Variants in ZNF439 observed in about 807,000 individuals in gnomAD.
The protein encoded by ZNF439 is zinc finger protein 439.
Under a neutral mutation model 47.3 loss-of-function variants are expected in ZNF439, and 40 were observed. That is an observed-to-expected ratio of 0.85 (90% CI 0.66 to 1.10). The LOEUF is 1.10. Ranked by LOEUF, ZNF439 falls within the 50% of genes least tolerant of loss-of-function variation. The pLI, the probability that ZNF439 is intolerant of heterozygous loss-of-function variation, is 0.00. For synonymous variants in ZNF439, 171 were observed against 198.8 expected (o/e 0.86, Z 1.18); for missense variants, 556 against 601.1 (o/e 0.93, Z 0.78).
rs548403756 is a variant in ZNF439 at position 11,861,557 on chromosome 19, C to T, written c.64-4648C>T. On this transcript the variant is annotated intron_variant, in intron 1 of 3. Transcript: ENST00000682736. The stretch of plus-strand genomic sequence containing the variant: ...TGAGTTCTCAGCTTCTCCCTCCCAA[C>T]TCCAGTTTCCATTAATTGGAGACAC... Among the ~76,000 whole-genome samples, 31 of 152,328 alleles carry T rather than the reference C, an allele frequency of 2.0e-4. No individual in the cohort carries two copies. In the South Asian group the frequency reaches 6.0e-3, roughly 30 times the overall value.
chr19:11,860,286 A>G (rs1169897622), intron 1 of ZNF439, among the ~76,000 whole-genome samples: 1 of 151,594 alleles, frequency 6.6e-6, no homozygotes, highest in Non-Finnish European at 1.5e-5. Context: ...CTAAAAATAC[A>G]AAAAAAAATT....
chr19:11,857,809 T>G (rs985263169), intron 1 of ZNF439: 7 of 152,228 alleles, frequency 4.6e-5, no homozygotes, highest in African/African-American at 1.7e-4. Context: ...GAACACTTCT[T>G]TCAGTAACAA....
At chr19:11,851,857 A>G (rs1976253150) in intron 1 of ZNF439, among the ~76,000 whole-genome samples, 1 of 152,068 alleles carries the variant, frequency 6.6e-6, no homozygotes, top group Non-Finnish European at 1.5e-5. Context: ...TACATTGCCC[A>G]GGCTTGTCTC....
In ZNF439 at chr19:11,869,428, C is replaced by T. The variant is rs1976809226; in HGVS notation, c.*859C>T. 6.6e-6 allele frequency: 1 copy of T among 152,610 alleles called. No individual in the cohort carries two copies. Among genetic ancestry groups the T allele is most frequent in the Non-Finnish European group, 1.5e-5 (1 of 68,160 alleles). The allele number at this position is 152,610 out of a possible 1,614,324, so 9.5% of individuals were successfully genotyped here. On this transcript the variant is annotated 3_prime_UTR_variant, in exon 4 of 4. Transcript: ENST00000682736. ...TAACTGTATACTAACAAATGTTATTCTTTTTAAATAATTAAGAAGCTATAA... is the reference window on the plus strand; with the variant it reads ...TAACTGTATACTAACAAATGTTATTTTTTTTAAATAATTAAGAAGCTATAA...
chr19:11,869,191 T>C lies in ZNF439; in HGVS notation c.*622T>C, dbSNP rs1886874994. The C allele has an allele frequency of 4.6e-6, 1 of 217,168 alleles. No homozygotes were observed. The highest frequency in any genetic ancestry group is 1.0e-5 in the Non-Finnish European group (1 of 100,076). 13.5% of individuals were successfully genotyped at this position (217,168 alleles called of 1,614,324 possible). A position where few individuals can be genotyped will look rare whatever the true frequency, so the allele number is the denominator to read the frequency against. On this transcript the variant is annotated 3_prime_UTR_variant, in exon 4 of 4. Transcript: ENST00000682736. Reference sequence around the variant, plus strand: ...CAAAAGCTTTCACTTCTTCCAGTTCTTTTCAATATCATGAAAGGACTCACA... The same window carrying C: ...CAAAAGCTTTCACTTCTTCCAGTTCCTTTCAATATCATGAAAGGACTCACA...
intron 1 of ZNF439, chr19:11,857,742 G>A (rs1461097547): frequency 6.6e-6 from 1 of 152,192 alleles, no homozygotes; most frequent in South Asian, 2.1e-4. Context: ...CCTAACAACT[G>A]TTGAAAATCA....
chr19:11,851,641 T>G (rs1976244442), intron 1 of ZNF439, among the ~76,000 whole-genome samples: 1 of 150,840 alleles, frequency 6.6e-6, no homozygotes, highest in Admixed American at 6.6e-5. Flanking sequence ...AGAAGGCTGA[T>G]GTATGAGGTA....
intron 1 of ZNF439, among the ~76,000 whole-genome samples, chr19:11,862,733 T>C (rs1976571492): frequency 6.6e-6 from 1 of 151,748 alleles, no homozygotes; most frequent in African/African-American, 2.4e-5. Context: ...TACCTCATTG[T>C]TGTTTTCTGT....
At chr19:11,861,807 A>G (rs928906222) in intron 1 of ZNF439, among the ~76,000 whole-genome samples, 2 of 152,156 alleles carry the variant, frequency 1.3e-5, no homozygotes, top group Non-Finnish European at 1.5e-5. Flanking sequence ...CCTTTCCTCT[A>G]TGTGAAATGT....
intron 1 of ZNF439, among the ~76,000 whole-genome samples, chr19:11,865,712 CA>C (rs71166640): frequency 1.1e-3 from 91 of 81,992 alleles, no homozygotes; most frequent in African/African-American, 5.0e-3. Flanking sequence ...TACACTATCA[CA>C]AAAAAAAAAA....
intron 1 of ZNF439, among the ~76,000 whole-genome samples, chr19:11,864,939 C>T (rs1288545117): frequency 2.0e-5 from 3 of 152,030 alleles, no homozygotes; most frequent in Non-Finnish European, 4.4e-5. Context: ...CGCCACCATG[C>T]CCGGCTAATT....
rs1294067040 is a variant in ZNF439 at position 11,867,991 on chromosome 19, A to C, written c.937A>C (p.Met313Leu). 5.0e-6 allele frequency: 8 copies of C among 1,614,170 alleles called. No homozygotes were observed. The South Asian group carries it at 8.8e-5, about 18-fold the overall frequency. ...ATGTAAGGAATGTGGAAAAGCATTC[A>C]TGTGTCCCCGTTATGTTCGTAGACA... ...YQCKECGKAF[M>L]CPRYVRRHER... The change falls in exon 4 of 4, where the codon ATG (methionine) becomes CTG (leucine). Residue 313 changes from methionine (M) to leucine (L), a missense_variant. Coordinates refer to ENST00000682736, the MANE Select transcript of ZNF439 (RefSeq NM_001348719.2).
intron 1 of ZNF439, among the ~76,000 whole-genome samples, chr19:11,853,652 C>T (rs954381430): frequency 6.6e-6 from 1 of 152,144 alleles, no homozygotes; most frequent in Non-Finnish European, 1.5e-5. Flanking sequence ...CACTGTTTAT[C>T]ATATAGCCTT....
rs143876470 is a variant in ZNF439 at position 11,865,200 on chromosome 19, C to G, written c.64-1005C>G. On this transcript the variant is annotated intron_variant, in intron 1 of 3. Coordinates refer to ENST00000682736, the MANE Select transcript of ZNF439 (RefSeq NM_001348719.2). ...GCTGCATTGCTCATTACTGCCACCC[C>G]AGGAAGGTCGTATAGTGGTTAAATC... is the stretch of plus-strand genomic sequence containing the variant. 2.1e-3 allele frequency among the ~76,000 whole-genome samples: 324 copies of G among 152,274 alleles called. 3 individuals are homozygous for G. Among genetic ancestry groups the G allele is most frequent in the African/African-American group, 7.2e-3 (300 of 41,552 alleles).
chr19:11,855,733 G>T (rs776659464), intron 1 of ZNF439, among the ~76,000 whole-genome samples: 1 of 152,150 alleles, frequency 6.6e-6, no homozygotes, highest in Non-Finnish European at 1.5e-5. Flanking sequence ...TACTGCACAG[G>T]ACATTATGGC....
chr19:11,849,186 C>G (rs961010111), intron 1 of ZNF439: 1 of 1,075,818 alleles, frequency 9.3e-7, no homozygotes, highest in African/African-American at 1.7e-5. Flanking sequence ...CCCGACGCCC[C>G]AGCTTGTGCG....
chr19:11,856,623 A>G (rs1427915446), intron 1 of ZNF439: 1 of 152,268 alleles, frequency 6.6e-6, no homozygotes, highest in African/African-American at 2.4e-5. Context: ...TGTGGATTGC[A>G]TCCTTCCACA....
At chr19:11,864,508 G>C (rs376603839) in intron 1 of ZNF439, among the ~76,000 whole-genome samples, 1 of 152,136 alleles carries the variant, frequency 6.6e-6, no homozygotes. Context: ...TGTTAGCCAG[G>C]CTGGTCTCAC....
Position 11,867,330 on chromosome 19 carries a change from T to A in ZNF439, c.276T>A (p.Asn92Lys), listed in dbSNP as rs563356279. The change falls in exon 4 of 4, where the codon AAT becomes AAA. Residue 92 changes from asparagine to lysine, a missense_variant. By Grantham distance (94) the Asn-to-Lys change is moderately conservative. Transcript: ENST00000682736. ...NFRSVTEEKVNEIKEDSHCGE... is the reference protein window; with the variant it reads ...NFRSVTEEKVKEIKEDSHCGE... ...GGAGTGTCACAGAAGAGAAAGTCAA[T>A]GAAATTAAAGAAGACAGTCATTGTG... 1.9e-6 allele frequency: 3 copies of A among 1,612,130 alleles called. No homozygotes were observed. Among genetic ancestry groups the A allele is most frequent in the East Asian group, 4.5e-5 (2 of 44,878 alleles).
Sources: allele counts gnomAD v4.1 joint callset (sites outside exome capture counted in the v4.1 genomes callset), GRCh38; gene constraint gnomAD v4.1.1; transcripts MANE v1.5; gene names NCBI Gene and HGNC (gene_info 2026-07-23, HGNC 2026-07-21).